Variants in MOXD1 observed in about 807,000 individuals in gnomAD.
MOXD1 encodes monooxygenase DBH like 1, also known as DBH-like monooxygenase protein 1.
A neutral mutation model predicts 66.6 loss-of-function variants in MOXD1; 62 were observed. The ratio of observed to expected loss-of-function variants is 0.93; its 90% CI spans 0.76 to 1.15. The LOEUF (loss-of-function observed/expected upper bound fraction) is 1.15, where lower values mean the gene tolerates loss of function less well. Ranked by LOEUF, MOXD1 falls within the 50% of genes most tolerant of loss-of-function variation. The pLI is 0.00. For synonymous variants in MOXD1, 303 were observed against 281.9 expected, an observed-to-expected ratio of 1.07 and a Z score of -0.75; for missense variants, 847 against 754.6, an observed-to-expected ratio of 1.12 and a Z score of -1.44.
intron 1 of MOXD1, among the ~76,000 whole-genome samples, chr6:132,396,235 G>A (rs1203849651): frequency 6.6e-6 from 1 of 151,778 alleles, no homozygotes; most frequent in African/African-American, 2.4e-5. Context: ...AATAACAAGA[G>A]GAACTTTGGA....
intron 4 of MOXD1, among the ~76,000 whole-genome samples, chr6:132,359,679 G>A (rs1253002553): frequency 1.3e-5 from 2 of 151,640 alleles, no homozygotes; most frequent in Admixed American, 6.6e-5. Flanking sequence ...GTAGAGGCGG[G>A]GTTTCACTGT....
chr6:132,327,516 A>G (rs999981281), intron 6 of MOXD1, among the ~76,000 whole-genome samples: 2 of 152,230 alleles, frequency 1.3e-5, no homozygotes, highest in African/African-American at 2.4e-5. Context: ...CAGAAACAAA[A>G]TGTACATCCT....
intron 2 of MOXD1, among the ~76,000 whole-genome samples, chr6:132,374,236 C>T (rs1776326845): frequency 2.0e-5 from 3 of 152,226 alleles, no homozygotes; most frequent in Non-Finnish European, 4.4e-5. Context: ...AAAGATGAGT[C>T]CATTACAAAT....
chr6:132,342,607 C>T (rs887450355), intron 4 of MOXD1, among the ~76,000 whole-genome samples: 3 of 152,074 alleles, frequency 2.0e-5, no homozygotes, highest in Non-Finnish European at 4.4e-5. Context: ...TCTTGCTATT[C>T]TTTGACATGC....
intron 9 of MOXD1, among the ~76,000 whole-genome samples, chr6:132,316,446 A>G (rs1382352490): frequency 6.6e-6 from 1 of 152,160 alleles, no homozygotes; most frequent in Non-Finnish European, 1.5e-5. Context: ...TGTTCAATAA[A>G]GCCGTTTTAC....
chr6:132,336,134 A>C (rs1052296796), intron 4 of MOXD1, among the ~76,000 whole-genome samples: 1 of 152,208 alleles, frequency 6.6e-6, no homozygotes, highest in Non-Finnish European at 1.5e-5. Context: ...TTCAAAAACA[A>C]CTTGCAACTC....
intron 9 of MOXD1, among the ~76,000 whole-genome samples, chr6:132,319,083 T>C (rs1356822218): frequency 6.6e-6 from 1 of 152,012 alleles, no homozygotes; most frequent in Non-Finnish European, 1.5e-5. Context: ...TCTTATCTAG[T>C]AGATTGTTTT....
rs373179244 is a variant in MOXD1 at position 132,372,801 on chromosome 6, C to T, written c.579+29G>A. ...GTATACACTTTCAATAAGCCCATCC[C>T]TACAATCATAAAACCTGAAAACACT... On this transcript the variant is annotated intron_variant, in intron 3 of 11. Coordinates refer to ENST00000367963, the MANE Select transcript of MOXD1 (RefSeq NM_015529.4). 46 of 1,611,926 alleles carry T rather than the reference C, an allele frequency of 2.9e-5. 1 individual carries two copies. Among genetic ancestry groups the T allele is most frequent in the East Asian group, 1.1e-4 (5 of 44,832 alleles).
intron 9 of MOXD1, among the ~76,000 whole-genome samples, chr6:132,319,842 C>T (rs904467991): frequency 3.9e-5 from 6 of 151,982 alleles, no homozygotes; most frequent in Admixed American, 3.9e-4. Context: ...TAAATGTCTC[C>T]CCTGTCAACA....
chr6:132,381,199 A>G (rs1403018462), intron 1 of MOXD1, among the ~76,000 whole-genome samples: 2 of 152,246 alleles, frequency 1.3e-5, no homozygotes, highest in East Asian at 1.9e-4. Context: ...TTAAATCTAA[A>G]TAAGGAGATA....
intron 1 of MOXD1, among the ~76,000 whole-genome samples, chr6:132,385,203 G>T (rs577615863): frequency 5.8e-4 from 88 of 152,206 alleles, no homozygotes; most frequent in African/African-American, 2.1e-3. Flanking sequence ...TTGGAGTTTA[G>T]TCAGGTTAAG....
rs548056997 is a variant in MOXD1 at position 132,354,837 on chromosome 6, G to T, written c.663+17771C>A. Among the ~76,000 whole-genome samples the T allele has an allele frequency of 3.3e-5, 5 of 152,264 alleles. No homozygotes were observed. The East Asian group carries it at 9.7e-4, about 29-fold the overall frequency. On this transcript the variant is annotated intron_variant, in intron 4 of 11. Transcript: ENST00000367963. ...TTGGAAGGGTCTTGCTGCAGCTGCT[G>T]TGGGGAATGGGGGTGAGGTTCCCAG... is the stretch of plus-strand genomic sequence containing the variant.
In MOXD1 at chr6:132,297,241, G is replaced by A; in HGVS notation, c.1754C>T (p.Ser585Phe). Residue 585 changes from serine (S) to phenylalanine (F), a missense_variant, in exon 12 of 12, where the codon TCT becomes TTT. Physicochemically the swap from Ser to Phe is radical, Grantham distance 155 (BLOSUM62 -2). Transcript: ENST00000367963. ...GAAATCTCTGTGCAGGGAAGAGGAA[G>A]AAGACGTGCCACACACCAAAGGTTC... ...KAEPLVCGTS[S>F]SSSLHRDFSI... 1.9e-6 allele frequency: 3 copies of A among 1,613,730 alleles called. No homozygotes were observed. The highest frequency in any genetic ancestry group is 2.5e-6 in the Non-Finnish European group (3 of 1,179,716).
At chr6:132,399,058 C>T (rs572651580) in intron 1 of MOXD1, among the ~76,000 whole-genome samples, 5 of 151,778 alleles carry the variant, frequency 3.3e-5, no homozygotes, top group East Asian at 1.9e-4. Context: ...GACTGAATTT[C>T]GAGCGTTGGA....
chr6:132,328,662 G>C, intron 4 of MOXD1, 68 bp from the exon 5 acceptor site: 6 of 1,407,174 alleles, frequency 4.3e-6, no homozygotes, highest in Non-Finnish European at 5.9e-6. Flanking sequence ...CACAACAAAC[G>C]TGAAACTAGC....
intron 1 of MOXD1, among the ~76,000 whole-genome samples, chr6:132,385,263 C>T (rs1776602092): frequency 1.3e-5 from 2 of 152,044 alleles, no homozygotes; most frequent in African/African-American, 4.8e-5. Context: ...AACATGTAGA[C>T]TGTTCTTAGG....
intron 1 of MOXD1, 180 bp from the exon 2 acceptor site, chr6:132,374,957 ACTT>A: frequency 1.6e-6 from 1 of 631,258 alleles, no homozygotes; most frequent in Admixed American, 2.9e-5. Flanking sequence ...CCATCTTTGA[ACTT>A]CTGGCCTTTC....
At chr6:132,341,189 G>A (rs2074573800) in intron 4 of MOXD1, among the ~76,000 whole-genome samples, 1 of 152,090 alleles carries the variant, frequency 6.6e-6, no homozygotes, top group Admixed American at 6.5e-5. Context: ...TACATGGATG[G>A]GATTAAGGCT....
chr6:132,318,329 A>G (rs1775001400), intron 9 of MOXD1, among the ~76,000 whole-genome samples: 2 of 152,068 alleles, frequency 1.3e-5, no homozygotes, highest in African/African-American at 2.4e-5. Flanking sequence ...CTAACAGTGT[A>G]TAAGTGTTCC....
Sources: gnomAD v4.1 joint callset for allele counts (sites outside exome capture counted in the v4.1 genomes callset) on GRCh38, gnomAD v4.1.1 for gene constraint, MANE v1.5 for transcripts, NCBI Gene and HGNC (gene_info 2026-07-23, HGNC 2026-07-21) for gene names.